INPP5A: variants seen among roughly 807,000 people sequenced by gnomAD.
INPP5A encodes inositol polyphosphate-5-phosphatase A, also known as 43 kDa inositol polyphosphate 5-phophatase.
In INPP5A, 14 loss-of-function variants were observed where a neutral mutation model predicts 65.2. The observed-to-expected ratio is 0.21, with a 90% CI of 0.14 to 0.34. The LOEUF (loss-of-function observed/expected upper bound fraction) is 0.34. Ranked by LOEUF, INPP5A falls within the 10% of genes least tolerant of loss-of-function variation. The pLI, the probability that INPP5A is intolerant of heterozygous loss-of-function variation, is 1.00. For missense variants in INPP5A, 431 were observed against 545.6 expected, an observed-to-expected ratio of 0.79 and a Z score of 2.09; for synonymous variants, 207 against 208.3, an observed-to-expected ratio of 0.99 and a Z score of 0.05.
At chr10:132,574,838 G>A (rs1463175192) in intron 1 of INPP5A, among the ~76,000 whole-genome samples, 1 of 151,664 alleles carries the variant, frequency 6.6e-6, no homozygotes, top group African/African-American at 2.4e-5. Context: ...GGTGTTTTTC[G>A]TTTTAAAAGG....
At chr10:132,751,542 C>G (rs866278632) in intron 11 of INPP5A, among the ~76,000 whole-genome samples, 14 of 152,248 alleles carry the variant, frequency 9.2e-5, no homozygotes, top group African/African-American at 3.4e-4. Context: ...ACAGGACACT[C>G]CCGGGTGGCG....
At chr10:132,640,227 C>A (rs1228368335) in intron 2 of INPP5A, among the ~76,000 whole-genome samples, 1 of 152,260 alleles carries the variant, frequency 6.6e-6, no homozygotes, top group Non-Finnish European at 1.5e-5. Flanking sequence ...AGACCATAAG[C>A]TCAGTCTCAT....
At chr10:132,702,591 T>C (rs896948438) in intron 6 of INPP5A, among the ~76,000 whole-genome samples, 4 of 152,248 alleles carry the variant, frequency 2.6e-5, no homozygotes, top group South Asian at 2.1e-4. Context: ...TTGGGGTCTC[T>C]GCTGTACCTG....
intron 1 of INPP5A, among the ~76,000 whole-genome samples, chr10:132,566,004 G>GTCGGTC (rs1780836591): frequency 6.6e-6 from 1 of 152,108 alleles, no homozygotes; most frequent in South Asian, 2.1e-4. Flanking sequence ...GAGCCCTGTG[G>GTCGGTC]TCGGTCTCGG....
chr10:132,585,837 G>C (rs1265277049), intron 1 of INPP5A, among the ~76,000 whole-genome samples: 1 of 152,196 alleles, frequency 6.6e-6, no homozygotes, highest in African/African-American at 2.4e-5. Context: ...CTGCCCTGCA[G>C]GTGGAGTGTC....
intron 1 of INPP5A, among the ~76,000 whole-genome samples, chr10:132,567,113 G>A (rs965025400): frequency 4.6e-5 from 7 of 152,174 alleles, no homozygotes; most frequent in African/African-American, 2.4e-5. Flanking sequence ...TCCCGGGTGG[G>A]CAAGCAGCTC....
At chr10:132,576,131 G>A (rs2071410185) in intron 1 of INPP5A, among the ~76,000 whole-genome samples, 1 of 152,160 alleles carries the variant, frequency 6.6e-6, no homozygotes, top group African/African-American at 2.4e-5. Flanking sequence ...CCCAGCCCTG[G>A]GCCCTCCCTG....
chr10:132,701,155 T>A (rs1845430360), intron 6 of INPP5A, among the ~76,000 whole-genome samples: 1 of 152,224 alleles, frequency 6.6e-6, no homozygotes, highest in South Asian at 2.1e-4. Context: ...TTTTAGTAGA[T>A]GAAACCGGCT....
At chr10:132,668,193 C>T (rs1355637062) in intron 4 of INPP5A, among the ~76,000 whole-genome samples, 3 of 152,178 alleles carry the variant, frequency 2.0e-5, no homozygotes, top group Non-Finnish European at 4.4e-5. Flanking sequence ...CCACACTTGA[C>T]TTTTGAAAAT....
intron 11 of INPP5A, among the ~76,000 whole-genome samples, chr10:132,757,336 G>A (rs1344513449): frequency 6.6e-6 from 1 of 152,182 alleles, no homozygotes; most frequent in Non-Finnish European, 1.5e-5. Context: ...TCGCGAGCGG[G>A]GCTCCGCAGA....
intron 2 of INPP5A, among the ~76,000 whole-genome samples, chr10:132,640,376 T>C (rs1170628513): frequency 6.6e-6 from 1 of 152,242 alleles, no homozygotes; most frequent in Admixed American, 6.5e-5. Context: ...TTCCTAGCTC[T>C]TCCCTCCAGG....
intron 12 of INPP5A, among the ~76,000 whole-genome samples, chr10:132,771,186 G>A (rs1053691800): frequency 6.6e-6 from 1 of 152,192 alleles, no homozygotes; most frequent in African/African-American, 2.4e-5. Flanking sequence ...TCCCCTGAGA[G>A]ATGAGGGCCA....
chr10:132,741,772 T>C lies in INPP5A; in HGVS notation c.733-7745T>C, dbSNP rs373164526. 9.8e-4 allele frequency among the ~76,000 whole-genome samples: 31 copies of C among 31,708 alleles called. 6 individuals carry two copies. The Admixed American group carries it at 0.011, about 12-fold the overall frequency. 20.8% of individuals were successfully genotyped at this position (31,708 alleles called of 152,430 possible). ...CGACGTAAACTGAGGTGGACGTCAG[T>C]GTCCGCGTCCGCTTGCTTTACTCAA... On this transcript the variant is annotated intron_variant, in intron 9 of 15. Transcript: ENST00000368594. The surrounding 1 kb of genome is among the most constrained non-coding windows in gnomAD (Gnocchi z 4.4).
At chr10:132,673,254 C>G (rs71481945) in intron 4 of INPP5A, among the ~76,000 whole-genome samples, 1 of 152,180 alleles carries the variant, frequency 6.6e-6, no homozygotes, top group Non-Finnish European at 1.5e-5. Flanking sequence ...GCATTCTTCC[C>G]TCTGGAACTA....
Position 132,663,417 on chromosome 10 carries a change from C to A in INPP5A, c.306+12912C>A, listed in dbSNP as rs2072761612. Among the ~76,000 whole-genome samples the A allele has an allele frequency of 6.6e-6, 1 of 152,126 alleles. No individual in the cohort carries two copies. The highest frequency in any genetic ancestry group is 1.5e-5 in the Non-Finnish European group (1 of 68,028). ...AAAACTGTTTATAGAGACTGGGTGT[C>A]ACCGTGTTGCCCAGTCAGGTCTCCA... On this transcript the variant is annotated intron_variant, in intron 4 of 15. Transcript: ENST00000368594. This position sits in a 1 kb window ranked among gnomAD's most constrained non-coding sequence, Gnocchi z 4.5.
chr10:132,739,469 C>G (rs922449731), intron 9 of INPP5A, among the ~76,000 whole-genome samples: 1 of 152,364 alleles, frequency 6.6e-6, no homozygotes, highest in Admixed American at 6.5e-5. Flanking sequence ...TGCTACACCC[C>G]CAGCCTGTCG....
At position 132,697,876 on chromosome 10, in the gene INPP5A, C is replaced by T. The variant is rs769404530; in HGVS notation, c.431C>T (p.Pro144Leu). 1 of 1,613,906 alleles carries T rather than the reference C, an allele frequency of 6.2e-7. No homozygotes were observed. The highest frequency in any genetic ancestry group is 1.7e-5 in the Admixed American group (1 of 60,014). Reference protein sequence around the residue: ...EIYSDTLESTPMLEKEKFPQD... With the variant: ...EIYSDTLESTLMLEKEKFPQD... ...TACTCGGATACCTTAGAGAGCACGC[C>T]CATGCTGGAGAAGGAGAAGTTTCCG... The change falls in exon 6 of 16, where the codon CCC (proline) becomes CTC (leucine). Residue 144 changes from proline (P) to leucine (L), a missense_variant. Physicochemically the swap from Pro to Leu is moderately conservative, Grantham distance 98. Coordinates refer to ENST00000368594, the MANE Select transcript of INPP5A (RefSeq NM_005539.5). The surrounding 1 kb of genome is among the most constrained non-coding windows in gnomAD (Gnocchi z 5.6).
chr10:132,581,609 A>G (rs1012299159), intron 1 of INPP5A, among the ~76,000 whole-genome samples: 1 of 152,068 alleles, frequency 6.6e-6, no homozygotes, highest in African/African-American at 2.4e-5. Context: ...ACCTCACTGT[A>G]GGTTTTATTG....
At chr10:132,593,120 G>A (rs969778347) in intron 1 of INPP5A, among the ~76,000 whole-genome samples, 4 of 152,160 alleles carry the variant, frequency 2.6e-5, no homozygotes, top group African/African-American at 9.7e-5. Flanking sequence ...GTGGCTCTTC[G>A]ATAAGATGAG....
Sources: gnomAD v4.1 joint callset for allele counts (sites outside exome capture counted in the v4.1 genomes callset) on GRCh38, gnomAD v4.1.1 for gene constraint, Gnocchi (gnomAD v3.1) non-coding constraint, MANE v1.5 for transcripts, NCBI Gene and HGNC (gene_info 2026-07-23, HGNC 2026-07-21) for gene names.